The following GLIPR2 variants were observed in gnomAD, a reference collection of about 807,000 sequenced individuals.
The protein encoded by GLIPR2 is GLI pathogenesis related 2.
Under a neutral mutation model 20.4 loss-of-function variants are expected in GLIPR2, and 21 were observed. That is an observed-to-expected ratio of 1.03 (90% CI 0.73 to 1.48). The LOEUF is 1.48. Among genes scored for constraint, GLIPR2 ranks in the 40% most tolerant of loss-of-function variants. The pLI is 0.00. For synonymous variants in GLIPR2, 91 were observed against 80.5 expected, an observed-to-expected ratio of 1.13 and a Z score of -0.70; for missense variants, 205 against 200.1, an observed-to-expected ratio of 1.02 and a Z score of -0.15.
Position 36,136,739 on chromosome 9 carries a change from C to A in GLIPR2, c.-40C>A. On this transcript the variant is annotated 5_prime_UTR_variant, in exon 1 of 5. Coordinates refer to ENST00000377960, the MANE Select transcript of GLIPR2 (RefSeq NM_022343.4). The surrounding 1 kb of genome is among the most constrained non-coding windows in gnomAD (Gnocchi z 4.3). ...GGCGCTGGGCCGGGCGAGCGCAGTG[C>A]AGCGCAGCCGCGGGGAGCGAGGAGC... 1 of 1,261,902 alleles carries A rather than the reference C, an allele frequency of 7.9e-7. No homozygotes were observed. The highest frequency in any genetic ancestry group is 1.0e-6 in the Non-Finnish European group (1 of 1,002,780). 78.2% of individuals were successfully genotyped at this position (1,261,902 alleles called of 1,614,324 possible).
intron 4 of GLIPR2, among the ~76,000 whole-genome samples, chr9:36,161,096 T>C (rs1826034274): frequency 6.6e-6 from 1 of 151,890 alleles, no homozygotes; most frequent in Non-Finnish European, 1.5e-5. Flanking sequence ...GTGGATGCCA[T>C]AGAACCAGTC....
chr9:36,140,508 G>A (rs1207487264), intron 1 of GLIPR2, among the ~76,000 whole-genome samples: 1 of 152,180 alleles, frequency 6.6e-6, no homozygotes, highest in Non-Finnish European at 1.5e-5. Flanking sequence ...GGCCCAGAGG[G>A]GTAGGGATGT....
At chr9:36,149,505 G>T (rs1825488214) in intron 3 of GLIPR2, among the ~76,000 whole-genome samples, 1 of 152,226 alleles carries the variant, frequency 6.6e-6, no homozygotes, top group African/African-American at 2.4e-5. Context: ...CACCCTGCAG[G>T]CTCCTTCCCA....
At chr9:36,157,683 AACACACACACACAC>A (rs567476723) in intron 4 of GLIPR2, among the ~76,000 whole-genome samples, 7 of 146,338 alleles carry the variant, frequency 4.8e-5, no homozygotes, top group Admixed American at 4.1e-4. Context: ...ATATCTGTTA[AACACACACACACAC>A]ACACACACAC....
At chr9:36,148,510 C>A in intron 2 of GLIPR2, 37 bp from the exon 3 acceptor site, 1 of 1,506,062 alleles carries the variant, frequency 6.6e-7, no homozygotes, top group Non-Finnish European at 9.2e-7. Flanking sequence ...GTTCCCTGAA[C>A]TGCACCTGCT....
At chr9:36,148,195 C>T (rs2132738228) in intron 2 of GLIPR2, among the ~76,000 whole-genome samples, 1 of 152,010 alleles carries the variant, frequency 6.6e-6, no homozygotes, top group South Asian at 2.1e-4. Context: ...TTGCAGTGAA[C>T]CAAGATTGCG....
At chr9:36,151,373 C>T (rs1339611429) in intron 4 of GLIPR2, among the ~76,000 whole-genome samples, 1 of 152,204 alleles carries the variant, frequency 6.6e-6, no homozygotes, top group East Asian at 1.9e-4. Context: ...CTCTCCTGAT[C>T]CAACTGCCAT....
At chr9:36,148,023 G>T in intron 2 of GLIPR2, 129 bp downstream of exon 2, 1 of 696,088 alleles carries the variant, frequency 1.4e-6, no homozygotes. Flanking sequence ...CAAGGCGGGC[G>T]GATCACCTGA....
At chr9:36,151,017 G>C (rs747195135) in intron 4 of GLIPR2, 68 bp downstream of exon 4, 1 of 995,924 alleles carries the variant, frequency 1.0e-6, no homozygotes, top group South Asian at 1.3e-5. Flanking sequence ...CTGACTTCAG[G>C]GAGGAACCAG....
At chr9:36,150,785 G>C (rs1000738354) in intron 3 of GLIPR2, 87 bp from the exon 4 acceptor site, 1 of 916,982 alleles carries the variant, frequency 1.1e-6, no homozygotes, top group African/African-American at 1.6e-5. Context: ...CCGCATTGGT[G>C]GCTTGGGGCT....
chr9:36,146,389 G>GC (rs1310330729), intron 1 of GLIPR2, among the ~76,000 whole-genome samples: 2 of 152,146 alleles, frequency 1.3e-5, no homozygotes, highest in Non-Finnish European at 2.9e-5. Flanking sequence ...AAAGCATTCT[G>GC]CCCCTGGCTC....
upstream of GLIPR2, chr9:36,136,617 G>A: frequency 2.3e-6 from 1 of 438,228 alleles, no homozygotes; most frequent in South Asian, 1.2e-4. The surrounding 1 kb of genome is among the most constrained non-coding windows in gnomAD (Gnocchi z 4.3). Flanking sequence ...GGGTGGCCCC[G>A]GGCGCCTCCG....
At chr9:36,159,958 C>T (rs1270480937) in intron 4 of GLIPR2, among the ~76,000 whole-genome samples, 1 of 151,966 alleles carries the variant, frequency 6.6e-6, no homozygotes, top group African/African-American at 2.4e-5. Flanking sequence ...GGTGAGACTC[C>T]GTCTCAAAAA....
At position 36,162,574 on chromosome 9, in the gene GLIPR2, G is replaced by C; in HGVS notation, c.*52G>C. 6.3e-7 allele frequency: 1 copy of C among 1,576,600 alleles called. No homozygotes were observed. On this transcript the variant is annotated 3_prime_UTR_variant, in exon 5 of 5. Coordinates refer to ENST00000377960, the MANE Select transcript of GLIPR2 (RefSeq NM_022343.4). ...AGACTTAAGAACGTGGATATGAAGT[G>C]CCTAGAACCACCACAACCTGGCTGT...
In GLIPR2 at chr9:36,162,535, A is replaced by C; in HGVS notation, c.*13A>C. On this transcript the variant is annotated 3_prime_UTR_variant, in exon 5 of 5. Transcript: ENST00000377960. The stretch of plus-strand genomic sequence containing the variant: ...GCCGAAGAAGTAACTTGTTAAATGT[A>C]ATGGGAAGGTGGCAGACTTAAGAAC... The C allele has an allele frequency of 6.2e-7, 1 of 1,613,830 alleles. No homozygotes were observed. Among genetic ancestry groups the C allele is most frequent in the Non-Finnish European group, 8.5e-7 (1 of 1,179,836 alleles).
intron 1 of GLIPR2, chr9:36,141,748 G>A (rs1825094252): frequency 4.5e-6 from 2 of 444,574 alleles, no homozygotes; most frequent in South Asian, 3.2e-5. Flanking sequence ...CGATCTCCTG[G>A]GCTCAAGCGA....
intron 4 of GLIPR2, chr9:36,162,112 T>G (rs1587165391): frequency 1.5e-6 from 1 of 682,222 alleles, no homozygotes; most frequent in Non-Finnish European, 2.2e-6. Flanking sequence ...GAGGTGGAGG[T>G]TGCAGTGAGC....
intron 1 of GLIPR2, chr9:36,141,848 T>C (rs1221684255): frequency 1.3e-5 from 6 of 453,542 alleles, no homozygotes; most frequent in African/African-American, 1.2e-4. Context: ...CTCCTCAGAA[T>C]CTCTACAGAG....
At chr9:36,152,419 T>C (rs961452332) in intron 4 of GLIPR2, among the ~76,000 whole-genome samples, 7 of 152,178 alleles carry the variant, frequency 4.6e-5, no homozygotes, top group Admixed American at 1.3e-4. Flanking sequence ...TAACTAGCAC[T>C]CTGCGTGTGT....
Sources: allele counts gnomAD v4.1 joint callset (sites outside exome capture counted in the v4.1 genomes callset), GRCh38; gene constraint gnomAD v4.1.1; non-coding constraint Gnocchi (gnomAD v3.1); transcripts MANE v1.5; gene names NCBI Gene and HGNC (gene_info 2026-07-23, HGNC 2026-07-21).